AHCYL2: variants seen among roughly 807,000 people sequenced by gnomAD.
AHCYL2 encodes S-adenosylhomocysteine hydrolase-like protein 2.
A neutral mutation model predicts 81.4 loss-of-function variants in AHCYL2; 28 were observed. That is an observed-to-expected ratio of 0.34 (90% CI 0.25 to 0.47). The LOEUF (loss-of-function observed/expected upper bound fraction) is 0.47. AHCYL2 is among the 20% of genes least tolerant of loss of function. AHCYL2 has a pLI of 1.00. For missense variants in AHCYL2, 551 were observed against 785.1 expected (o/e 0.70, Z 3.56); for synonymous variants, 272 against 290.2 (o/e 0.94, Z 0.64).
intron 1 of AHCYL2, among the ~76,000 whole-genome samples, chr7:129,239,305 T>C (rs562076465): frequency 2.0e-5 from 3 of 152,344 alleles, no homozygotes; most frequent in Admixed American, 1.3e-4. Flanking sequence ...TTGTGAGATA[T>C]GAACAATATC....
chr7:129,267,882 T>G (rs1795871737), intron 1 of AHCYL2, among the ~76,000 whole-genome samples: 2 of 152,066 alleles, frequency 1.3e-5, no homozygotes, highest in African/African-American at 4.8e-5. Context: ...TCTTATATGA[T>G]TGGGTAAATG....
At chr7:129,316,005 G>A (rs1333415268) in intron 1 of AHCYL2, among the ~76,000 whole-genome samples, 1 of 152,106 alleles carries the variant, frequency 6.6e-6, no homozygotes. Flanking sequence ...ACCCCAGAGG[G>A]CCAGAGAGAC....
At position 129,239,768 on chromosome 7, in the gene AHCYL2, A is replaced by G. The variant is rs574732763; in HGVS notation, c.363+14329A>G. Among the ~76,000 whole-genome samples, 6 of 151,854 alleles carry G rather than the reference A, an allele frequency of 4.0e-5. No individual in the cohort carries two copies. In the South Asian group the frequency reaches 1.3e-3, roughly 32 times the overall value. ...CATAGAAAAATAAACAGGCACAGATATATAGAGACAGACACACCGAGACCC... is the reference window on the plus strand; with the variant it reads ...CATAGAAAAATAAACAGGCACAGATGTATAGAGACAGACACACCGAGACCC... On this transcript the variant is annotated intron_variant, in intron 1 of 16. Transcript: ENST00000325006.
chr7:129,279,528 C>G (rs1242556345), intron 1 of AHCYL2, among the ~76,000 whole-genome samples: 1 of 152,110 alleles, frequency 6.6e-6, no homozygotes, highest in Non-Finnish European at 1.5e-5. Context: ...ATCTAGACCC[C>G]AAGAGAGGAT....
intron 1 of AHCYL2, among the ~76,000 whole-genome samples, chr7:129,244,396 G>A (rs573770301): frequency 5.9e-5 from 9 of 152,176 alleles, no homozygotes; most frequent in Admixed American, 3.3e-4. Flanking sequence ...TCTGTGATAC[G>A]TGTCATAGTC....
chr7:129,368,343 GCTGCTGTGAAAAGGGATGCAGCTT>G lies in AHCYL2; in HGVS notation c.364-11289_364-11266del. On this transcript the variant is annotated intron_variant, in intron 1 of 16. Transcript: ENST00000325006. The surrounding 1 kb of genome is among the most constrained non-coding windows in gnomAD (Gnocchi z 4.4). ...CTAATGCTCTTGATTTGAATCGGAG[GCTGCTGTGAAAAGGGATGCAGCTT>G]CTGCTAGCCACTGTGAACTTCTGAA... is the stretch of plus-strand genomic sequence containing the variant. 1 of 1,465,522 alleles carries G rather than the reference GCTGCTGTGAAAAGGGATGCAGCTT, an allele frequency of 6.8e-7. No individual in the cohort carries two copies. The highest frequency in any genetic ancestry group is 9.0e-7 in the Non-Finnish European group (1 of 1,107,620). The allele number at this position is 1,465,522 out of a possible 1,614,324, so 90.8% of individuals were successfully genotyped here. A position where few individuals can be genotyped will look rare whatever the true frequency, so the allele number is the denominator to read the frequency against.
intron 1 of AHCYL2, among the ~76,000 whole-genome samples, chr7:129,357,752 A>C (rs567953277): frequency 6.6e-6 from 1 of 151,828 alleles, no homozygotes; most frequent in African/African-American, 2.4e-5. Flanking sequence ...GGCTAACACG[A>C]TGAAACCGCA....
intron 4 of AHCYL2, among the ~76,000 whole-genome samples, chr7:129,393,154 C>T (rs756340842): frequency 6.6e-6 from 1 of 152,166 alleles, no homozygotes; most frequent in African/African-American, 2.4e-5. Context: ...TGATGGCTCA[C>T]GCCTGTAATC....
chr7:129,398,499 C>T (rs1300403326), intron 5 of AHCYL2, among the ~76,000 whole-genome samples: 1 of 151,788 alleles, frequency 6.6e-6, no homozygotes, highest in African/African-American at 2.4e-5. Context: ...CTGCCTCAGC[C>T]TCCTGAGTAG....
intron 1 of AHCYL2, among the ~76,000 whole-genome samples, chr7:129,280,504 CT>C (rs1796396868): frequency 6.6e-6 from 1 of 152,024 alleles, no homozygotes; most frequent in Non-Finnish European, 1.5e-5. Flanking sequence ...GTTCTAGTAG[CT>C]TTTTTGTAGA....
In AHCYL2 at chr7:129,405,150, A is replaced by G. The variant is rs755022926; in HGVS notation, c.1079A>G (p.Asn360Ser). 5.0e-6 allele frequency: 8 copies of G among 1,605,720 alleles called. No individual in the cohort carries two copies. The highest frequency in any genetic ancestry group is 3.4e-5 in the Admixed American group (2 of 58,846). ...GKLCVPAMNVNDSVTKQKFDN... is the reference protein window; with the variant it reads ...GKLCVPAMNVSDSVTKQKFDN... The stretch of plus-strand genomic sequence containing the variant: ...CTGTGTGTTCCAGCCATGAATGTCA[A>G]TGACTCAGTCACCAAACAGAAATTT... The change falls in exon 8 of 17, where the codon AAT becomes AGT. Residue 360 changes from asparagine (N) to serine (S), a missense_variant. Physicochemically the swap from Asn to Ser is conservative, Grantham distance 46. This residue lies in a region of AHCYL2 where 316 missense variants were observed against 543.1 expected (regional missense o/e 0.58). Coordinates refer to ENST00000325006, the MANE Select transcript of AHCYL2 (RefSeq NM_015328.4).
At chr7:129,280,797 C>T (rs1189037885) in intron 1 of AHCYL2, among the ~76,000 whole-genome samples, 1 of 150,872 alleles carries the variant, frequency 6.6e-6, no homozygotes, top group Non-Finnish European at 1.5e-5. Flanking sequence ...TTGTCTAATG[C>T]ATTTTCTGTA....
chr7:129,400,466 C>T (rs959912448), intron 6 of AHCYL2, 82 bp downstream of exon 6: 34 of 1,315,592 alleles, frequency 2.6e-5, no homozygotes, highest in Non-Finnish European at 3.5e-5. Context: ...AGAGGGTTTC[C>T]CAACAAGAAG....
intron 1 of AHCYL2, among the ~76,000 whole-genome samples, chr7:129,314,849 C>T (rs1238389215): frequency 6.6e-6 from 1 of 152,158 alleles, no homozygotes; most frequent in African/African-American, 2.4e-5. Flanking sequence ...CTAGAAGCCA[C>T]AATGGCAGTA....
intron 11 of AHCYL2, among the ~76,000 whole-genome samples, chr7:129,412,231 G>A (rs955388521): frequency 6.6e-6 from 1 of 151,656 alleles, no homozygotes; most frequent in African/African-American, 2.4e-5. Context: ...GATACTCGAG[G>A]AGCTGAAGTG....
At chr7:129,364,743 A>G (rs553741465) in intron 1 of AHCYL2, among the ~76,000 whole-genome samples, 1 of 152,206 alleles carries the variant, frequency 6.6e-6, no homozygotes, top group Non-Finnish European at 1.5e-5. Context: ...TGTTCCTAAA[A>G]GTTTCATTAT....
intron 1 of AHCYL2, among the ~76,000 whole-genome samples, chr7:129,321,251 G>A (rs1429360505): frequency 6.6e-6 from 1 of 152,138 alleles, no homozygotes; most frequent in Non-Finnish European, 1.5e-5. Context: ...TCAATGTTAA[G>A]AAGAAAGCAT....
intron 2 of AHCYL2, among the ~76,000 whole-genome samples, chr7:129,381,932 T>C (rs1017522056): frequency 7.9e-5 from 12 of 152,254 alleles, no homozygotes; most frequent in Admixed American, 7.9e-4. Context: ...TCACATGCAC[T>C]GTTACCTTGT....
At chr7:129,251,959 T>A (rs74479906) in intron 1 of AHCYL2, among the ~76,000 whole-genome samples, 3,356 of 152,260 alleles carry the variant, frequency 0.022, 56 homozygotes, top group Non-Finnish European at 0.036. Flanking sequence ...ATCTCTTCTG[T>A]TTATCTCTTC....
Sources: gnomAD v4.1 joint callset for allele counts (sites outside exome capture counted in the v4.1 genomes callset) on GRCh38, gnomAD v4.1.1 for gene constraint, gnomAD v4.1.1 regional missense constraint, Gnocchi (gnomAD v3.1) non-coding constraint, MANE v1.5 for transcripts, NCBI Gene and HGNC (gene_info 2026-07-23, HGNC 2026-07-21) for gene names.